TPX2: variants seen among roughly 807,000 people sequenced by gnomAD.
The protein encoded by TPX2 is targeting protein for Xklp2.
Under a neutral mutation model 93.6 loss-of-function variants are expected in TPX2, and 21 were observed. That is an observed-to-expected ratio of 0.22 (90% CI 0.16 to 0.32). The LOEUF (loss-of-function observed/expected upper bound fraction) is 0.32. Among genes scored for constraint, TPX2 ranks in the 10% least tolerant of loss-of-function variants. The pLI, the probability that TPX2 is intolerant of heterozygous loss-of-function variation, is 1.00. For synonymous variants in TPX2, 281 were observed against 298.3 expected, an observed-to-expected ratio of 0.94 and a Z score of 0.60; for missense variants, 776 against 871.1, an observed-to-expected ratio of 0.89 and a Z score of 1.37.
chr20:31,772,757 A>G (rs1292640985), intron 7 of TPX2, among the ~76,000 whole-genome samples: 1 of 152,170 alleles, frequency 6.6e-6, no homozygotes, highest in Non-Finnish European at 1.5e-5. Context: ...CTATCAAAAT[A>G]TATTTAACTA....
chr20:31,752,705 C>T (rs533531076), intron 2 of TPX2, among the ~76,000 whole-genome samples: 226 of 152,158 alleles, frequency 1.5e-3, no homozygotes, highest in African/African-American at 5.0e-3. Flanking sequence ...CTCTGCCTCC[C>T]GGGTTCACAC....
chr20:31,783,962 C>T (rs368058278), intron 12 of TPX2, 41 bp downstream of exon 12: 7 of 1,599,092 alleles, frequency 4.4e-6, no homozygotes, highest in African/African-American at 2.7e-5. Flanking sequence ...GTGTACTGCT[C>T]ATGACCAGAT....
At chr20:31,746,812 T>C (rs1301619796) in intron 2 of TPX2, among the ~76,000 whole-genome samples, 2 of 152,228 alleles carry the variant, frequency 1.3e-5, no homozygotes, top group Non-Finnish European at 2.9e-5. Context: ...TAATTTCAGA[T>C]GAATGTGGGA....
intron 17 of TPX2, among the ~76,000 whole-genome samples, chr20:31,800,349 A>G (rs907932803): frequency 1.3e-4 from 20 of 152,116 alleles, no homozygotes; most frequent in African/African-American, 2.2e-4. Flanking sequence ...GTTTGTCCCC[A>G]TTATAGAACT....
intron 16 of TPX2, among the ~76,000 whole-genome samples, chr20:31,798,052 A>G (rs141126233): frequency 3.9e-5 from 6 of 152,304 alleles, no homozygotes; most frequent in Non-Finnish European, 2.9e-5. Flanking sequence ...AATCTTTCCA[A>G]AAAGGGAAAA....
In TPX2 at chr20:31,801,096, G is replaced by A. The variant is rs746254013; in HGVS notation, c.*16G>A. On this transcript the variant is annotated 3_prime_UTR_variant, in exon 18 of 18. Transcript: ENST00000300403. ...CCACTGCTAAACTCAGCTGTGAGCT[G>A]CGGATACCGCCCGGCAATGGGACCT... 4 of 1,609,912 alleles carry A rather than the reference G, an allele frequency of 2.5e-6. No homozygotes were observed. In the South Asian group the frequency reaches 4.4e-5, roughly 18 times the overall value.
chr20:31,752,568 C>T (rs1368501023), intron 2 of TPX2, among the ~76,000 whole-genome samples: 1 of 152,128 alleles, frequency 6.6e-6, no homozygotes, highest in Non-Finnish European at 1.5e-5. Context: ...AGGACCTTAG[C>T]GTCTATGTAG....
intron 8 of TPX2, among the ~76,000 whole-genome samples, chr20:31,776,875 A>T (rs1157384180): frequency 6.6e-6 from 1 of 152,152 alleles, no homozygotes; most frequent in Admixed American, 6.5e-5. Context: ...GAAAAAAAGG[A>T]ACTTGGATTG....
chr20:31,770,034 A>G (rs1248373019), intron 5 of TPX2, among the ~76,000 whole-genome samples: 1 of 152,136 alleles, frequency 6.6e-6, no homozygotes. Context: ...TCCTGGCCTC[A>G]AGCAGTCCTC....
At position 31,793,354 on chromosome 20, in the gene TPX2, AG is replaced by A. The variant is rs568227032; in HGVS notation, c.1510-491del. Among the ~76,000 whole-genome samples the A allele has an allele frequency of 2.3e-4, 35 of 152,310 alleles. No individual in the cohort carries two copies. In the South Asian group the frequency reaches 5.2e-3, roughly 23 times the overall value. Reference sequence around the variant, plus strand: ...ATTTTATCTATAAATATCCAGAGTTAGGGTAATTTTATAGCAGATTGCAAGC... The same window carrying A: ...ATTTTATCTATAAATATCCAGAGTTAGGTAATTTTATAGCAGATTGCAAGC... On this transcript the variant is annotated intron_variant, in intron 13 of 17. Transcript: ENST00000300403.
chr20:31,786,794 G>C (rs148000395), intron 12 of TPX2, among the ~76,000 whole-genome samples: 26 of 152,308 alleles, frequency 1.7e-4, no homozygotes, highest in African/African-American at 6.3e-4. Context: ...AGTAGGGAAG[G>C]GTGACCAGAG....
Position 31,778,827 on chromosome 20 carries a change from G to T in TPX2, c.897G>T (p.Lys299Asn). 1 of 1,589,130 alleles carries T rather than the reference G, an allele frequency of 6.3e-7. No homozygotes were observed. The highest frequency in any genetic ancestry group is 8.5e-7 in the Non-Finnish European group (1 of 1,171,578). ...KHPSSPARVT[K>N]GCTIVKPFNL... ...TCTCTTTACAGGCCCGAGTGACTAA[G>T]GGATGTACCATTGTTAAGCCTTTCA... is the stretch of plus-strand genomic sequence containing the variant. Residue 299 changes from lysine to asparagine, a missense_variant, in exon 10 of 18, where the codon AAG becomes AAT. Lys to Asn is a moderately conservative substitution (Grantham distance 94, BLOSUM62 0). This residue lies in a region of TPX2 where 461 missense variants were observed against 551.2 expected (regional missense o/e 0.84). Transcript: ENST00000300403.
intron 12 of TPX2, among the ~76,000 whole-genome samples, chr20:31,791,343 G>A (rs902168348): frequency 3.3e-5 from 5 of 152,150 alleles, no homozygotes; most frequent in Non-Finnish European, 5.9e-5. Flanking sequence ...GAGTGCAGTG[G>A]TGCGATCTTG....
intron 2 of TPX2, among the ~76,000 whole-genome samples, chr20:31,745,239 CA>C (rs767324923): frequency 1.3e-5 from 2 of 151,498 alleles, no homozygotes; most frequent in Admixed American, 6.6e-5. Flanking sequence ...TTGCATGGTG[CA>C]AAAATCAAAA....
intron 2 of TPX2, 29 bp from the exon 3 acceptor site, chr20:31,757,378 G>A: frequency 2.1e-6 from 2 of 973,830 alleles, no homozygotes; most frequent in Non-Finnish European, 3.1e-6. Context: ...AATTTACTTA[G>A]ATTTATGTGC....
chr20:31,762,843 A>T (rs1256202128), intron 4 of TPX2, among the ~76,000 whole-genome samples: 1 of 152,076 alleles, frequency 6.6e-6, no homozygotes, highest in Non-Finnish European at 1.5e-5. Flanking sequence ...GTCTTACTCT[A>T]TTGCCTAGGC....
At chr20:31,775,116 C>T (rs2061987889) in intron 7 of TPX2, among the ~76,000 whole-genome samples, 1 of 151,786 alleles carries the variant, frequency 6.6e-6, no homozygotes, top group Non-Finnish European at 1.5e-5. Context: ...CCTGCCACTA[C>T]ATCTGGCTAA....
rs1198682014 is a variant in TPX2 at position 31,798,435 on chromosome 20, G to A, written c.2016G>A (p.Gln672=). The change falls in exon 17 of 18, where the codon CAG becomes CAA. Residue 672 remains glutamine (Q), a synonymous_variant. Transcript: ENST00000300403. ...LATEKRAKER[Q]ELEKRMAEVE... ...CTGAGAAGAGAGCCAAAGAGCGGCA[G>A]GAGCTGGAGAAGAGAATGGCTGAGG... 1 of 1,613,992 alleles carries A rather than the reference G, an allele frequency of 6.2e-7. No homozygotes were observed. Among genetic ancestry groups the A allele is most frequent in the East Asian group, 2.2e-5 (1 of 44,900 alleles).
At chr20:31,789,436 C>G (rs1301689015) in intron 12 of TPX2, among the ~76,000 whole-genome samples, 1 of 152,056 alleles carries the variant, frequency 6.6e-6, no homozygotes, top group Non-Finnish European at 1.5e-5. Context: ...CTTTCATAGT[C>G]TGGTAGAGCA....
Sources: allele counts gnomAD v4.1 joint callset (sites outside exome capture counted in the v4.1 genomes callset), GRCh38; gene constraint gnomAD v4.1.1; regional missense constraint gnomAD v4.1.1; transcripts MANE v1.5; gene names NCBI Gene and HGNC (gene_info 2026-07-23, HGNC 2026-07-21).